Variants in ZNF428 observed in about 807,000 individuals in gnomAD.
The protein encoded by ZNF428 is enzyme-like protein PIT13.
A neutral mutation model predicts 15.6 loss-of-function variants in ZNF428; 5 were observed. The ratio of observed to expected loss-of-function variants is 0.32; its 90% CI spans 0.17 to 0.67. ZNF428 has a LOEUF of 0.67. Among genes scored for constraint, ZNF428 ranks in the 30% least tolerant of loss-of-function variants. The pLI is 0.73. For synonymous variants in ZNF428, 97 were observed against 102.2 expected (o/e 0.95, Z 0.31); for missense variants, 237 against 256.0 (o/e 0.93, Z 0.51).
rs561202972 is a variant in ZNF428, at chr19:43,612,776, T to A, written c.76+1453A>T. The A allele has an allele frequency of 6.4e-7, 1 of 1,551,556 alleles. No homozygotes were observed. The highest frequency in any genetic ancestry group is 2.4e-5 in the East Asian group (1 of 40,922). On this transcript the variant is annotated intron_variant, in intron 2 of 2. Transcript: ENST00000300811. This position sits in a 1 kb window ranked among gnomAD's most constrained non-coding sequence, Gnocchi z 4.2. The stretch of plus-strand genomic sequence containing the variant: ...GGCTGTAACTCCCAGTACAGCCAAG[T>A]GTCAAACCCCGACTGGAATTCCCTC...
chr19:43,613,066 A>C, intron 2 of ZNF428: 2 of 1,551,622 alleles, frequency 1.3e-6, no homozygotes, highest in Non-Finnish European at 1.7e-6. Flanking sequence ...GCAGGGCAAG[A>C]AGTCGCACCC....
Position 43,612,228 on chromosome 19 carries a change from A to T in ZNF428, c.76+2001T>A. On this transcript the variant is annotated intron_variant, in intron 2 of 2. Coordinates refer to ENST00000300811, the MANE Select transcript of ZNF428 (RefSeq NM_182498.4). This position sits in a 1 kb window ranked among gnomAD's most constrained non-coding sequence, Gnocchi z 4.2. ...CCTCCTGCCTCCTTGAAGTCCACCA[A>T]ATCAGCAACACCCAACAGATCCTTA... is the stretch of plus-strand genomic sequence containing the variant. 6 of 1,551,620 alleles carry T rather than the reference A, an allele frequency of 3.9e-6. No individual in the cohort carries two copies. Among genetic ancestry groups the T allele is most frequent in the Non-Finnish European group, 5.2e-6 (6 of 1,146,978 alleles).
chr19:43,614,212 C>T lies in ZNF428; in HGVS notation c.76+17G>A. ...ATGACAGTCAAGCCGACGCCACCAC[C>T]TCTAAGGCCACCTTACCTGGGGAAA... On this transcript the variant is annotated intron_variant, in intron 2 of 2. Coordinates refer to ENST00000300811, the MANE Select transcript of ZNF428 (RefSeq NM_182498.4). 6.2e-7 allele frequency: 1 copy of T among 1,614,242 alleles called. No homozygotes were observed. Among genetic ancestry groups the T allele is most frequent in the Non-Finnish European group, 8.5e-7 (1 of 1,180,038 alleles).
intron 1 of ZNF428, 156 bp from the exon 2 acceptor site, chr19:43,614,590 G>T: frequency 1.9e-6 from 1 of 513,988 alleles, no homozygotes; most frequent in Non-Finnish European, 3.0e-6. Context: ...TGCAAGCCCT[G>T]CCCCTCTCTA....
chr19:43,614,198 G>A (rs375583370), intron 2 of ZNF428, 31 bp downstream of exon 2: 1 of 1,614,050 alleles, frequency 6.2e-7, no homozygotes, highest in Non-Finnish European at 8.5e-7. Flanking sequence ...TGACAGTCAA[G>A]CCGACGCCAC....
rs1391266750 is a variant in ZNF428, at chr19:43,612,626, CG to C, written c.76+1602del. On this transcript the variant is annotated intron_variant, in intron 2 of 2. Coordinates refer to ENST00000300811, the MANE Select transcript of ZNF428 (RefSeq NM_182498.4). The surrounding 1 kb of genome is among the most constrained non-coding windows in gnomAD (Gnocchi z 4.2). Reference sequence around the variant, plus strand: ...TCCCACTTCACAGCAAAAAGGGAGCCGGGGAAAGAGTTACGGCCGGCCTAGA... The same window carrying C: ...TCCCACTTCACAGCAAAAAGGGAGCCGGGAAAGAGTTACGGCCGGCCTAGA... 1 of 1,551,238 alleles carries C rather than the reference CG, an allele frequency of 6.4e-7. No homozygotes were observed. The highest frequency in any genetic ancestry group is 2.4e-5 in the East Asian group (1 of 40,928).
At chr19:43,615,304 A>G (rs1240701679) in intron 1 of ZNF428, among the ~76,000 whole-genome samples, 4 of 151,862 alleles carry the variant, frequency 2.6e-5, no homozygotes, top group South Asian at 2.1e-4. Context: ...TGGAAGAGAC[A>G]GGGTTTCACC....
rs748097548 is a variant in ZNF428 at position 43,607,514 on chromosome 19, C to T, written c.*103G>A. 6.5e-6 allele frequency: 9 copies of T among 1,384,216 alleles called. No homozygotes were observed. Among genetic ancestry groups the T allele is most frequent in the South Asian group, 1.5e-5 (1 of 68,832 alleles). The allele number at this position is 1,384,216 out of a possible 1,614,324, so 85.7% of individuals were successfully genotyped here. On this transcript the variant is annotated 3_prime_UTR_variant, in exon 3 of 3. Coordinates refer to ENST00000300811, the MANE Select transcript of ZNF428 (RefSeq NM_182498.4). This position sits in a 1 kb window ranked among gnomAD's most constrained non-coding sequence, Gnocchi z 5.1. ...CATCTACTTCTAAGACAACACAGAC[C>T]GGCAGTACCCCATCCCCCATGACCA...
chr19:43,615,261 G>A (rs1973360890), intron 1 of ZNF428, among the ~76,000 whole-genome samples: 2 of 151,904 alleles, frequency 1.3e-5, no homozygotes, highest in African/African-American at 4.8e-5. Context: ...CCATTCCAAC[G>A]CTGTCCCCAC....
chr19:43,615,000 G>T (rs1355271152), intron 1 of ZNF428, among the ~76,000 whole-genome samples: 1 of 152,188 alleles, frequency 6.6e-6, no homozygotes, highest in Non-Finnish European at 1.5e-5. Flanking sequence ...CAACAGTGGG[G>T]ACTGGTGTGG....
At chr19:43,614,601 G>C (rs1223251303) in intron 1 of ZNF428, 167 bp from the exon 2 acceptor site, 2 of 435,044 alleles carry the variant, frequency 4.6e-6, no homozygotes, top group Non-Finnish European at 7.3e-6. Context: ...CCCCTCTCTA[G>C]GTCTTTTTTT....
chr19:43,614,284 TG>T lies in ZNF428; in HGVS notation c.20del (p.Pro7GlnfsTer61). 1 of 1,611,798 alleles carries T rather than the reference TG, an allele frequency of 6.2e-7. No homozygotes were observed. Among genetic ancestry groups the T allele is most frequent in the Non-Finnish European group, 8.5e-7 (1 of 1,178,632 alleles). On this transcript the variant is annotated frameshift_variant, in exon 2 of 3. Coordinates refer to ENST00000300811, the MANE Select transcript of ZNF428 (RefSeq NM_182498.4). LOFTEE classifies it high-confidence loss of function. ...AGCTGGCGTAGCCCCCAGTCTCAGC[TG>T]GCTCACGGGTCTCTGTCATGACCGG... MTETRE[P>X]AETGGYASLE...
At position 43,612,741 on chromosome 19, in the gene ZNF428, G is replaced by C. The variant is rs1248533245; in HGVS notation, c.76+1488C>G. On this transcript the variant is annotated intron_variant, in intron 2 of 2. Transcript: ENST00000300811. The surrounding 1 kb of genome is among the most constrained non-coding windows in gnomAD (Gnocchi z 4.2). ...CCAGGAGGCTCAGGTATAGGGAGGAGTTCCGAGCTGGCTGTAACTCCCAGT... is the reference window on the plus strand; with the variant it reads ...CCAGGAGGCTCAGGTATAGGGAGGACTTCCGAGCTGGCTGTAACTCCCAGT... The C allele has an allele frequency of 2.6e-6, 4 of 1,551,648 alleles. No homozygotes were observed. The East Asian group carries it at 9.8e-5, about 38-fold the overall frequency.
At chr19:43,611,241 G>A (rs1164164669) in intron 2 of ZNF428, among the ~76,000 whole-genome samples, 1 of 152,064 alleles carries the variant, frequency 6.6e-6, no homozygotes, top group Non-Finnish European at 1.5e-5. Flanking sequence ...ACGTGTGGGT[G>A]AGTGGATGAT....
intron 1 of ZNF428, among the ~76,000 whole-genome samples, chr19:43,615,061 TTTA>T (rs1973358620): frequency 6.6e-6 from 1 of 152,064 alleles, no homozygotes; most frequent in Non-Finnish European, 1.5e-5. Context: ...GCCTTAACCC[TTTA>T]GTTGCTGGAC....
At chr19:43,617,105 C>G (rs1304653847) in intron 1 of ZNF428, among the ~76,000 whole-genome samples, 1 of 151,992 alleles carries the variant, frequency 6.6e-6, no homozygotes, top group Admixed American at 6.6e-5. Flanking sequence ...CCTCCTTCCC[C>G]CTTTTTGGCC....
intron 1 of ZNF428, among the ~76,000 whole-genome samples, chr19:43,616,506 G>A (rs1973373189): frequency 6.6e-6 from 1 of 152,216 alleles, no homozygotes; most frequent in African/African-American, 2.4e-5. Context: ...AACAGACACA[G>A]AGGTGATAAG....
intron 2 of ZNF428, chr19:43,613,224 C>G: frequency 6.4e-7 from 1 of 1,551,542 alleles, no homozygotes; most frequent in Non-Finnish European, 8.7e-7. Flanking sequence ...CATAGCCATT[C>G]CAGAAGCTCC....
At position 43,612,466 on chromosome 19, in the gene ZNF428, G is replaced by A. The variant is rs1240683872; in HGVS notation, c.76+1763C>T. On this transcript the variant is annotated intron_variant, in intron 2 of 2. Coordinates refer to ENST00000300811, the MANE Select transcript of ZNF428 (RefSeq NM_182498.4). The surrounding 1 kb of genome is among the most constrained non-coding windows in gnomAD (Gnocchi z 4.2). ...GCGACGTGAGATGCCACCAGCGGAG[G>A]GGCACACACAGCCGGGGTAGGACAC... The A allele has an allele frequency of 4.5e-6, 7 of 1,545,676 alleles. No individual in the cohort carries two copies. The highest frequency in any genetic ancestry group is 2.7e-5 in the African/African-American group (2 of 72,892).
Sources: gnomAD v4.1 joint callset for allele counts (sites outside exome capture counted in the v4.1 genomes callset) on GRCh38, gnomAD v4.1.1 for gene constraint, Gnocchi (gnomAD v3.1) non-coding constraint, MANE v1.5 for transcripts, NCBI Gene and HGNC (gene_info 2026-07-23, HGNC 2026-07-21) for gene names.